Variants in GK5 observed in about 807,000 individuals in gnomAD.
GK5 encodes ATP:glycerol 3-phosphotransferase 5.
In GK5, 39 loss-of-function variants were observed where a neutral mutation model predicts 77.3. That is an observed-to-expected ratio of 0.50 (90% confidence interval 0.39 to 0.66). The LOEUF (loss-of-function observed/expected upper bound fraction) is 0.66. Among genes scored for constraint, GK5 ranks in the 30% least tolerant of loss-of-function variants. GK5 has a pLI of 0.00. For synonymous variants in GK5, 211 were observed against 208.0 expected, an observed-to-expected ratio of 1.01 and a Z score of -0.13; for missense variants, 487 against 633.8, an observed-to-expected ratio of 0.77 and a Z score of 2.49.
At chr3:142,168,173 T>C in intron 15 of GK5, among the ~76,000 whole-genome samples, 1 of 152,234 alleles carries the variant, frequency 6.6e-6, no homozygotes, top group Non-Finnish European at 1.5e-5. Flanking sequence ...GAGACCTTGA[T>C]ATACTATAAT....
chr3:142,203,854 G>A (rs538795553), intron 4 of GK5, among the ~76,000 whole-genome samples: 4 of 152,190 alleles, frequency 2.6e-5, no homozygotes, highest in South Asian at 4.2e-4. Context: ...GACACCACTC[G>A]AGGAGCTGGA....
chr3:142,210,265 A>T (rs966693267), intron 3 of GK5, among the ~76,000 whole-genome samples: 1 of 152,250 alleles, frequency 6.6e-6, no homozygotes, highest in African/African-American at 2.4e-5. Flanking sequence ...ATGCAGGAGG[A>T]AAAAAACAAC....
At chr3:142,171,845 A>G (rs1341652000) in intron 13 of GK5, among the ~76,000 whole-genome samples, 1 of 152,204 alleles carries the variant, frequency 6.6e-6, no homozygotes, top group Non-Finnish European at 1.5e-5. Flanking sequence ...AAATATAAAA[A>G]CAATTACTTT....
intron 5 of GK5, among the ~76,000 whole-genome samples, chr3:142,191,295 T>A (rs2063846787): frequency 6.6e-6 from 1 of 151,960 alleles, no homozygotes; most frequent in African/African-American, 2.4e-5. Context: ...CCCAAAGTGC[T>A]GGGATTACAG....
At chr3:142,169,848 C>T (rs1459583942) in intron 15 of GK5, among the ~76,000 whole-genome samples, 1 of 151,758 alleles carries the variant, frequency 6.6e-6, no homozygotes. Context: ...AATTTTTGAA[C>T]TTTTAGTCCA....
In GK5 at chr3:142,159,851, C is replaced by CTTTTTTTTTTTTTTTT. The variant is rs1342546449; in HGVS notation, c.*5770_*5771insAAAAAAAAAAAAAAAA. 6.9e-5 allele frequency: 6 copies of CTTTTTTTTTTTTTTTT among 86,978 alleles called. No individual in the cohort carries two copies. Among genetic ancestry groups the CTTTTTTTTTTTTTTTT allele is most frequent in the African/African-American group, 2.7e-4 (6 of 22,114 alleles). 5.4% of individuals were successfully genotyped at this position (86,978 alleles called of 1,614,324 possible). A position where few individuals can be genotyped will look rare whatever the true frequency, so the allele number is the denominator to read the frequency against. ...GCTTTCTCTCTCTCTCTCTCTCTCT[C>CTTTTTTTTTTTTTTTT]TCTTTTTTTTTTTTGAGACAGAGTC... is the stretch of plus-strand genomic sequence containing the variant. On this transcript the variant is annotated 3_prime_UTR_variant, in exon 16 of 16. Coordinates refer to ENST00000392993, the MANE Select transcript of GK5 (RefSeq NM_001039547.3).
At chr3:142,171,519 T>C in intron 13 of GK5, 41 bp from the exon 14 acceptor site, 1 of 1,235,504 alleles carries the variant, frequency 8.1e-7, no homozygotes. Context: ...GAAATTCATA[T>C]CATAATAATT....
intron 5 of GK5, among the ~76,000 whole-genome samples, chr3:142,192,639 CT>C (rs2063868396): frequency 6.6e-6 from 1 of 151,944 alleles, no homozygotes; most frequent in African/African-American, 2.4e-5. Context: ...TGGCAGGCAC[CT>C]GTAATCTCAG....
At chr3:142,211,305 C>G (rs1002833972) in intron 3 of GK5, among the ~76,000 whole-genome samples, 5 of 152,144 alleles carry the variant, frequency 3.3e-5, no homozygotes, top group African/African-American at 1.2e-4. Context: ...CTCAAAATGT[C>G]AACAGGGTCA....
rs1321125731 is a variant in GK5, at chr3:142,225,532, G to C, written c.-77C>G. 2 of 1,520,496 alleles carry C rather than the reference G, an allele frequency of 1.3e-6. No individual in the cohort carries two copies. The highest frequency in any genetic ancestry group is 1.8e-6 in the Non-Finnish European group (2 of 1,138,950). 94.2% of individuals were successfully genotyped at this position (1,520,496 alleles called of 1,614,324 possible). A position where few individuals can be genotyped will look rare whatever the true frequency, so the allele number is the denominator to read the frequency against. On this transcript the variant is annotated 5_prime_UTR_variant, in exon 1 of 16. Transcript: ENST00000392993. ...CAAATCCCAATGCTCCAGAGTCCCC[G>C]GGCGGCCCAACCCGGGCCCCAACCC...
At chr3:142,218,678 C>T (rs571223665) in intron 1 of GK5, among the ~76,000 whole-genome samples, 1 of 152,222 alleles carries the variant, frequency 6.6e-6, no homozygotes, top group East Asian at 1.9e-4. Context: ...ATTCTTGTGA[C>T]TTGGGGTTAG....
chr3:142,204,065 CA>C (rs2064067566), intron 4 of GK5, among the ~76,000 whole-genome samples: 1 of 152,124 alleles, frequency 6.6e-6, no homozygotes, highest in Admixed American at 6.5e-5. Context: ...GTCACCCAGA[CA>C]GAGTGCCCTG....
intron 4 of GK5, among the ~76,000 whole-genome samples, chr3:142,201,744 T>C (rs1438277677): frequency 6.6e-6 from 1 of 152,240 alleles, no homozygotes; most frequent in Non-Finnish European, 1.5e-5. Flanking sequence ...GATGTTATAC[T>C]ATAGTTTTTC....
chr3:142,184,475 T>C (rs1008274205), intron 9 of GK5, among the ~76,000 whole-genome samples: 12 of 152,182 alleles, frequency 7.9e-5, no homozygotes, highest in Admixed American at 6.5e-4. Context: ...TTCCCAACCA[T>C]ACATTTTTGT....
rs1448229035 is a variant in GK5, at chr3:142,160,641, A to G, written c.*4981T>C. 1 of 152,254 alleles carries G rather than the reference A, an allele frequency of 6.6e-6. No individual in the cohort carries two copies. The highest frequency in any genetic ancestry group is 1.5e-5 in the Non-Finnish European group (1 of 68,042). The allele number at this position is 152,254 out of a possible 1,614,324, so 9.4% of individuals were successfully genotyped here. ...GAGAAAGGCTTCAATTAAAGCTTAA[A>G]AAGTTAATATATCTATGTGTATTTA... On this transcript the variant is annotated 3_prime_UTR_variant, in exon 16 of 16. Coordinates refer to ENST00000392993, the MANE Select transcript of GK5 (RefSeq NM_001039547.3).
At chr3:142,200,932 A>G (rs1007351091) in intron 4 of GK5, among the ~76,000 whole-genome samples, 3 of 152,254 alleles carry the variant, frequency 2.0e-5, no homozygotes, top group African/African-American at 7.2e-5. Flanking sequence ...GTCAATAAAT[A>G]AGATGATTTA....
chr3:142,165,311 C>G lies in GK5; in HGVS notation c.*311G>C, dbSNP rs958336549. The stretch of plus-strand genomic sequence containing the variant: ...TAAATCATTATGTTCCTATGTACCA[C>G]TGACCCAGTATAAAAAGGAAGAGGA... On this transcript the variant is annotated 3_prime_UTR_variant, in exon 16 of 16. Coordinates refer to ENST00000392993, the MANE Select transcript of GK5 (RefSeq NM_001039547.3). 3 of 212,736 alleles carry G rather than the reference C, an allele frequency of 1.4e-5. No homozygotes were observed. The South Asian group carries it at 4.6e-4, about 33-fold the overall frequency. 13.2% of individuals were successfully genotyped at this position (212,736 alleles called of 1,614,324 possible).
intron 5 of GK5, among the ~76,000 whole-genome samples, chr3:142,191,925 A>C (rs1283572006): frequency 6.6e-6 from 1 of 152,076 alleles, no homozygotes; most frequent in Non-Finnish European, 1.5e-5. Flanking sequence ...TGAGCCCATG[A>C]GTTTTGAGGC....
rs2063414741 is a variant in GK5 at position 142,160,076 on chromosome 3, G to A, written c.*5546C>T. On this transcript the variant is annotated 3_prime_UTR_variant, in exon 16 of 16. Transcript: ENST00000392993. Reference sequence around the variant, plus strand: ...TTGATCAGGCTGGTCTTGAACTCCTGACCTCAGGTGATCCACCCGCCTTGG... The same window carrying A: ...TTGATCAGGCTGGTCTTGAACTCCTAACCTCAGGTGATCCACCCGCCTTGG... The A allele has an allele frequency of 6.6e-6, 1 of 152,276 alleles. No individual in the cohort carries two copies. The highest frequency in any genetic ancestry group is 2.4e-5 in the African/African-American group (1 of 41,408). The allele number at this position is 152,276 out of a possible 1,614,324, so 9.4% of individuals were successfully genotyped here.
Sources: allele counts gnomAD v4.1 joint callset (sites outside exome capture counted in the v4.1 genomes callset), GRCh38; gene constraint gnomAD v4.1.1; transcripts MANE v1.5; gene names NCBI Gene and HGNC (gene_info 2026-07-23, HGNC 2026-07-21).